Variants in PCDH9 observed in about 807,000 individuals in gnomAD.
PCDH9 encodes the protein protocadherin-9.
A neutral mutation model predicts 70.6 loss-of-function variants in PCDH9; 24 were observed. The observed-to-expected ratio is 0.34, with a 90% CI of 0.25 to 0.48. The LOEUF (loss-of-function observed/expected upper bound fraction) is 0.48, where lower values mean the gene tolerates loss of function less well. Ranked by LOEUF, PCDH9 falls within the 20% of genes least tolerant of loss-of-function variation. The pLI is 0.99. For synonymous variants in PCDH9, 562 were observed against 558.5 expected, an observed-to-expected ratio of 1.01 and a Z score of -0.09; for missense variants, 1,281 against 1,503.6, an observed-to-expected ratio of 0.85 and a Z score of 2.45.
intron 2 of PCDH9, among the ~76,000 whole-genome samples, chr13:67,140,530 G>A (rs2087355788): frequency 6.6e-6 from 1 of 152,098 alleles, no homozygotes; most frequent in Non-Finnish European, 1.5e-5. Context: ...AGCAGGTCAG[G>A]TGTTTTCAAA....
chr13:67,214,935 G>GATATATATATATAT (rs66460017), intron 2 of PCDH9: 2,550 of 89,002 alleles, frequency 0.029, 648 homozygotes, highest in Middle Eastern at 0.052. Context: ...TTGCGAGCCA[G>GATATATATATATAT]ATATATATAT....
intron 4 of PCDH9, among the ~76,000 whole-genome samples, chr13:66,384,789 C>T (rs1023366660): frequency 3.3e-5 from 5 of 152,062 alleles, no homozygotes; most frequent in African/African-American, 1.2e-4. Flanking sequence ...CTCAGCCTCC[C>T]GAGTAGCTGG....
chr13:66,902,379 T>C (rs541719129), intron 3 of PCDH9, among the ~76,000 whole-genome samples: 1 of 151,870 alleles, frequency 6.6e-6, no homozygotes, highest in African/African-American at 2.4e-5. Context: ...AGTTGCTTTC[T>C]ATATTAAGTT....
intron 4 of PCDH9, among the ~76,000 whole-genome samples, chr13:66,324,233 G>A (rs1401258772): frequency 6.6e-6 from 1 of 151,918 alleles, no homozygotes; most frequent in East Asian, 1.9e-4. Context: ...TACCTTAGGG[G>A]TCCTGCTATA....
At chr13:67,100,853 T>C (rs1264035367) in intron 2 of PCDH9, among the ~76,000 whole-genome samples, 1 of 152,102 alleles carries the variant, frequency 6.6e-6, no homozygotes, top group Non-Finnish European at 1.5e-5. Context: ...GAAATATCTA[T>C]GGAAAGGGGC....
intron 4 of PCDH9, among the ~76,000 whole-genome samples, chr13:66,371,154 G>A (rs558442212): frequency 6.6e-6 from 1 of 152,132 alleles, no homozygotes; most frequent in African/African-American, 2.4e-5. Context: ...TAGCACAAAG[G>A]TGGTAAAATT....
At chr13:66,767,281 T>C (rs2079733085) in intron 3 of PCDH9, among the ~76,000 whole-genome samples, 1 of 152,090 alleles carries the variant, frequency 6.6e-6, no homozygotes, top group Non-Finnish European at 1.5e-5. Flanking sequence ...GTAGATGTGT[T>C]ATATTTAAGG....
intron 2 of PCDH9, among the ~76,000 whole-genome samples, chr13:66,990,648 C>CAT (rs201706686): frequency 2.0e-5 from 3 of 149,854 alleles, no homozygotes; most frequent in African/African-American, 2.4e-5. Context: ...CATAAATATA[C>CAT]ATATATATAT....
chr13:66,678,373 T>C, intron 3 of PCDH9, among the ~76,000 whole-genome samples: 1 of 152,082 alleles, frequency 6.6e-6, no homozygotes, highest in East Asian at 1.9e-4. Flanking sequence ...TATAGAAGTA[T>C]AGATGTTAGA....
chr13:67,012,150 T>C (rs2084463482), intron 2 of PCDH9, among the ~76,000 whole-genome samples: 1 of 151,908 alleles, frequency 6.6e-6, no homozygotes, highest in African/African-American at 2.4e-5. Context: ...TCTTTAATGT[T>C]TTATTCAAAG....
intron 4 of PCDH9, among the ~76,000 whole-genome samples, chr13:66,406,293 A>G (rs1171440710): frequency 6.6e-6 from 1 of 152,164 alleles, no homozygotes; most frequent in African/African-American, 2.4e-5. Flanking sequence ...CTCTTGCCCT[A>G]AGCCCCAGAT....
intron 2 of PCDH9, among the ~76,000 whole-genome samples, chr13:67,128,149 A>AGGAT (rs1184871211): frequency 6.6e-6 from 1 of 152,176 alleles, no homozygotes; most frequent in Non-Finnish European, 1.5e-5. Context: ...CTACCCTTTT[A>AGGAT]GGATGTACCT....
intron 3 of PCDH9, among the ~76,000 whole-genome samples, chr13:66,878,615 C>T (rs1299483175): frequency 1.3e-5 from 2 of 152,110 alleles, no homozygotes; most frequent in Non-Finnish European, 2.9e-5. Context: ...TTGGGTACAA[C>T]GGTGGAGACA....
chr13:66,620,431 C>G (rs751187153), intron 4 of PCDH9, among the ~76,000 whole-genome samples: 1 of 152,276 alleles, frequency 6.6e-6, no homozygotes, highest in Non-Finnish European at 1.5e-5. Flanking sequence ...CTATGCCCTA[C>G]TGGCCATGAC....
chr13:67,183,126 GCA>G (rs1173608547), intron 2 of PCDH9, among the ~76,000 whole-genome samples: 1 of 151,884 alleles, frequency 6.6e-6, no homozygotes, highest in Non-Finnish European at 1.5e-5. Context: ...TTTATGCCTG[GCA>G]CTTTAAGTAC....
chr13:66,353,353 ACATATC>A (rs1457118676), intron 4 of PCDH9, among the ~76,000 whole-genome samples: 1 of 152,214 alleles, frequency 6.6e-6, no homozygotes, highest in African/African-American at 2.4e-5. Flanking sequence ...AGAATTTAAG[ACATATC>A]CATTGCTAGC....
chr13:66,867,317 A>G (rs2081594340), intron 3 of PCDH9, among the ~76,000 whole-genome samples: 1 of 152,210 alleles, frequency 6.6e-6, no homozygotes, highest in South Asian at 2.1e-4. Context: ...ATGCAGAAAC[A>G]GGGAACAATT....
At chr13:67,197,731 A>G (rs1048423487) in intron 2 of PCDH9, among the ~76,000 whole-genome samples, 4 of 151,982 alleles carry the variant, frequency 2.6e-5, no homozygotes, top group Admixed American at 1.3e-4. Flanking sequence ...TTTCTGTTAT[A>G]TCGATAACCA....
chr13:66,962,903 G>A (rs954622038), intron 2 of PCDH9, among the ~76,000 whole-genome samples: 1 of 152,044 alleles, frequency 6.6e-6, no homozygotes, highest in African/African-American at 2.4e-5. Flanking sequence ...TTATTATGTT[G>A]TAATATATAA....
Sources: allele counts gnomAD v4.1 joint callset (sites outside exome capture counted in the v4.1 genomes callset), GRCh38; gene constraint gnomAD v4.1.1; transcripts MANE v1.5; gene names NCBI Gene and HGNC (gene_info 2026-07-23, HGNC 2026-07-21).